Variants in PCDHGB7 observed in about 807,000 individuals in gnomAD.
PCDHGB7 encodes protocadherin gamma subfamily B, 7.
A neutral mutation model predicts 61.4 loss-of-function variants in PCDHGB7; 37 were observed. The ratio of observed to expected loss-of-function variants is 0.60; its 90% CI spans 0.46 to 0.79. The LOEUF (loss-of-function observed/expected upper bound fraction) is 0.79. PCDHGB7 is among the 30% of genes least tolerant of loss of function. The pLI, the probability that PCDHGB7 is intolerant of heterozygous loss-of-function variation, is 0.00. For synonymous variants in PCDHGB7, 464 were observed against 503.5 expected (o/e 0.92, Z 1.05); for missense variants, 1,166 against 1,202.5 (o/e 0.97, Z 0.45).
chr5:141,430,369 A>G (rs564811230), intron 1 of PCDHGB7, among the ~76,000 whole-genome samples: 1 of 151,582 alleles, frequency 6.6e-6, no homozygotes, highest in East Asian at 1.9e-4. Flanking sequence ...ATTGGGGAAA[A>G]AAAAGCTCAT....
chr5:141,439,056 T>C (rs2098084461), intron 1 of PCDHGB7, among the ~76,000 whole-genome samples: 1 of 151,260 alleles, frequency 6.6e-6, no homozygotes, highest in Non-Finnish European at 1.5e-5. Flanking sequence ...TTCCATATTG[T>C]GTGGCAGGCG....
chr5:141,506,832 C>T (rs1398190563), intron 3 of PCDHGB7, among the ~76,000 whole-genome samples: 1 of 152,130 alleles, frequency 6.6e-6, no homozygotes, highest in African/African-American at 2.4e-5. Flanking sequence ...GAACTGATAG[C>T]CCTGCCCTCC....
At position 141,424,003 on chromosome 5, in the gene PCDHGB7, T is replaced by C. The variant is rs150506228; in HGVS notation, c.2415+3729T>C. 5.3e-3 allele frequency: 5,614 copies of C among 1,067,752 alleles called. 27 individuals carry two copies. The highest frequency in any genetic ancestry group is 0.01 in the Admixed American group (195 of 19,092). 66.1% of individuals were successfully genotyped at this position (1,067,752 alleles called of 1,614,324 possible). A position where few individuals can be genotyped will look rare whatever the true frequency, so the allele number is the denominator to read the frequency against. ...AGGCTCTCAATTTATTATATATAGA[T>C]ACAAATTAATGATTCACAAACACTT... On this transcript the variant is annotated intron_variant, in intron 1 of 3. Transcript: ENST00000398594.
chr5:141,426,371 C>T (rs987346395), intron 1 of PCDHGB7: 4 of 217,048 alleles, frequency 1.8e-5, no homozygotes, highest in African/African-American at 9.0e-5. Context: ...TGCGGGGCAC[C>T]CTCGGAGCAG....
chr5:141,465,759 A>G (rs2099108647), intron 1 of PCDHGB7, among the ~76,000 whole-genome samples: 2 of 151,280 alleles, frequency 1.3e-5, no homozygotes, highest in South Asian at 4.2e-4. Context: ...TGGTAAAGTC[A>G]TGTTTCATCT....
chr5:141,471,112 G>A (rs1442344944), intron 1 of PCDHGB7, among the ~76,000 whole-genome samples: 3 of 147,914 alleles, frequency 2.0e-5, no homozygotes, highest in Non-Finnish European at 4.4e-5. Flanking sequence ...GCAGTGGTGC[G>A]ATCTTACCTT....
intron 1 of PCDHGB7, among the ~76,000 whole-genome samples, chr5:141,434,700 G>A (rs1041657389): frequency 6.6e-6 from 1 of 151,780 alleles, no homozygotes; most frequent in Non-Finnish European, 1.5e-5. Context: ...TAATAAATAT[G>A]TGGGTAAATC....
At chr5:141,500,369 C>T (rs1034629981) in intron 2 of PCDHGB7, among the ~76,000 whole-genome samples, 4 of 151,866 alleles carry the variant, frequency 2.6e-5, no homozygotes, top group Admixed American at 6.6e-5. Flanking sequence ...CTACCACGCC[C>T]GGCTAATTAT....
intron 2 of PCDHGB7, among the ~76,000 whole-genome samples, chr5:141,504,354 G>C (rs1349256606): frequency 6.6e-6 from 1 of 152,100 alleles, no homozygotes; most frequent in Non-Finnish European, 1.5e-5. Flanking sequence ...TGTGCTAGGT[G>C]CTTCAGTAGG....
chr5:141,510,420 G>T (rs1275392355), intron 3 of PCDHGB7, among the ~76,000 whole-genome samples: 3 of 152,126 alleles, frequency 2.0e-5, no homozygotes, highest in African/African-American at 7.2e-5. Flanking sequence ...TAAAGCCATG[G>T]TTTCATGGCT....
chr5:141,455,542 C>T (rs2154565110), intron 1 of PCDHGB7, among the ~76,000 whole-genome samples: 1 of 152,246 alleles, frequency 6.6e-6, no homozygotes, highest in African/African-American at 2.4e-5. Flanking sequence ...ATATCATTCA[C>T]GTAGCCCGAG....
At chr5:141,444,531 C>T (rs1021207516) in intron 1 of PCDHGB7, among the ~76,000 whole-genome samples, 2 of 152,100 alleles carry the variant, frequency 1.3e-5, no homozygotes, top group Non-Finnish European at 1.5e-5. Context: ...GAGACAGTGA[C>T]TGTGTCTAGT....
chr5:141,482,288 C>G (rs1413786764), intron 1 of PCDHGB7, among the ~76,000 whole-genome samples: 1 of 152,078 alleles, frequency 6.6e-6, no homozygotes, highest in Non-Finnish European at 1.5e-5. Context: ...GTCTTTTAAT[C>G]TCTTTAAACT....
intron 1 of PCDHGB7, among the ~76,000 whole-genome samples, chr5:141,474,770 G>A (rs1221980722): frequency 6.6e-6 from 1 of 152,204 alleles, no homozygotes; most frequent in African/African-American, 2.4e-5. Context: ...GAAATAGTAT[G>A]AGGCTCTAAC....
chr5:141,427,146 A>G (rs901147622), intron 1 of PCDHGB7: 10 of 456,872 alleles, frequency 2.2e-5, no homozygotes, highest in Admixed American at 7.0e-5. Context: ...TGATATTGGA[A>G]ATATGTTTGT....
In PCDHGB7 at chr5:141,428,146, C is replaced by G. The variant is rs549173211; in HGVS notation, c.2415+7872C>G. The G allele has an allele frequency of 1.3e-5, 21 of 1,589,348 alleles. No individual in the cohort carries two copies. The East Asian group carries it at 4.0e-4, about 30-fold the overall frequency. Reference sequence around the variant, plus strand: ...GGGCTTTTCAGCCTGGGGCTGCACACGGGAACCTGCTGGTTGCTGTGCGTG... The same window carrying G: ...GGGCTTTTCAGCCTGGGGCTGCACAGGGGAACCTGCTGGTTGCTGTGCGTG... On this transcript the variant is annotated intron_variant, in intron 1 of 3. Transcript: ENST00000398594.
intron 1 of PCDHGB7, chr5:141,478,323 G>T (rs1234175290): frequency 1.2e-6 from 2 of 1,613,958 alleles, no homozygotes; most frequent in African/African-American, 2.7e-5. Context: ...TCACTGTACC[G>T]AACACCAGGG....
rs774983500 is a variant in PCDHGB7 at position 141,490,973 on chromosome 5, G to T, written c.2416-3834G>T. ...GACTGGGAACACTCAGCCCCCCAGC[G>T]TCTCCCTCGCTCTGCTCCTCCTGGC... On this transcript the variant is annotated intron_variant, in intron 1 of 3. Transcript: ENST00000398594. The surrounding 1 kb of genome is among the most constrained non-coding windows in gnomAD (Gnocchi z 5.4). 1 of 1,613,932 alleles carries T rather than the reference G, an allele frequency of 6.2e-7. No individual in the cohort carries two copies. The highest frequency in any genetic ancestry group is 1.3e-5 in the African/African-American group (1 of 75,040).
At chr5:141,482,673 G>A (rs1278135239) in intron 1 of PCDHGB7, among the ~76,000 whole-genome samples, 1 of 152,156 alleles carries the variant, frequency 6.6e-6, no homozygotes, top group Non-Finnish European at 1.5e-5. Context: ...TAAAGGTTGA[G>A]TAGTAGCTTG....
Sources: allele counts gnomAD v4.1 joint callset (sites outside exome capture counted in the v4.1 genomes callset), GRCh38; gene constraint gnomAD v4.1.1; non-coding constraint Gnocchi (gnomAD v3.1); transcripts MANE v1.5; gene names NCBI Gene and HGNC (gene_info 2026-07-23, HGNC 2026-07-21).